Variants in CEP57L1 observed in about 807,000 individuals in gnomAD.
CEP57L1 encodes centrosomal protein 57 like 1.
CEP57L1 carries 37 observed loss-of-function variants against 61.0 expected under a neutral mutation model. The observed-to-expected ratio is 0.61, with a 90% CI of 0.47 to 0.80. CEP57L1 has a LOEUF of 0.80. CEP57L1 is among the 30% of genes least tolerant of loss of function. CEP57L1 has a pLI of 0.00. For synonymous variants in CEP57L1, 137 were observed against 162.3 expected (o/e 0.84, Z 1.19); for missense variants, 422 against 524.7 (o/e 0.80, Z 1.91).
chr6:109,141,587 G>A (rs1294377932), intron 1 of CEP57L1, among the ~76,000 whole-genome samples: 1 of 151,856 alleles, frequency 6.6e-6, no homozygotes, highest in Non-Finnish European at 1.5e-5. Flanking sequence ...CTATTGACCA[G>A]TTTTTATTGT....
At chr6:109,111,112 C>T (rs560322796) in intron 1 of CEP57L1, among the ~76,000 whole-genome samples, 56 of 152,056 alleles carry the variant, frequency 3.7e-4, no homozygotes, top group African/African-American at 7.0e-4. Flanking sequence ...TAAATTACTT[C>T]GGGCAGTATG....
chr6:109,147,024 A>C lies in CEP57L1; in HGVS notation c.340+87A>C, dbSNP rs532709912. ...AAACCTAGTCTAAGCCGATGTACTCAGATATCTTTATTCTTATATATATTC... is the reference window on the plus strand; with the variant it reads ...AAACCTAGTCTAAGCCGATGTACTCCGATATCTTTATTCTTATATATATTC... On this transcript the variant is annotated intron_variant, in intron 3 of 10. Coordinates refer to ENST00000517392, the MANE Select transcript of CEP57L1 (RefSeq NM_001271852.3). The C allele has an allele frequency of 4.9e-6, 5 of 1,020,872 alleles. No homozygotes were observed. In the South Asian group the frequency reaches 8.3e-5, roughly 17 times the overall value. 63.2% of individuals were successfully genotyped at this position (1,020,872 alleles called of 1,614,324 possible).
Position 109,095,515 on chromosome 6 carries a change from C to T in CEP57L1, c.-64C>T, listed in dbSNP as rs1306636037. 1 of 985,768 alleles carries T rather than the reference C, an allele frequency of 1.0e-6. No individual in the cohort carries two copies. Among genetic ancestry groups the T allele is most frequent in the Non-Finnish European group, 1.2e-6 (1 of 829,962 alleles). 61.1% of individuals were successfully genotyped at this position (985,768 alleles called of 1,614,324 possible). ...CCCCCAGGGGCCACCGCGACGTTGC[C>T]TGTGGGTGCCCGCGAACCAACGGTT... On this transcript the variant is annotated 5_prime_UTR_variant, in exon 1 of 11. Coordinates refer to ENST00000517392, the MANE Select transcript of CEP57L1 (RefSeq NM_001271852.3).
chr6:109,115,858 G>GT (rs999786956), intron 1 of CEP57L1, among the ~76,000 whole-genome samples: 2 of 152,120 alleles, frequency 1.3e-5, no homozygotes, highest in Non-Finnish European at 2.9e-5. Context: ...AATTTAGCGT[G>GT]TAAAAGCTTG....
At chr6:109,095,662 C>T (rs759158468) in intron 1 of CEP57L1, 87 bp downstream of exon 1, 1 of 846,892 alleles carries the variant, frequency 1.2e-6, no homozygotes, top group Non-Finnish European at 1.4e-6. Flanking sequence ...ACAAAGCCAT[C>T]TAGGGTGGCC....
At chr6:109,131,286 G>A (rs1285980382) in intron 1 of CEP57L1, among the ~76,000 whole-genome samples, 1 of 152,008 alleles carries the variant, frequency 6.6e-6, no homozygotes, top group African/African-American at 2.4e-5. Context: ...TGAATATATA[G>A]TGCCTAAGAC....
intron 1 of CEP57L1, among the ~76,000 whole-genome samples, chr6:109,101,156 A>T (rs913812221): frequency 6.6e-6 from 1 of 152,172 alleles, no homozygotes; most frequent in Non-Finnish European, 1.5e-5. Flanking sequence ...CAACATATCA[A>T]TAGATGTTAT....
In CEP57L1 at chr6:109,170,248, A is replaced by T. The variant is rs1697355740; in HGVS notation, c.*7278A>T. On this transcript the variant is annotated 3_prime_UTR_variant, in exon 11 of 11. Transcript: ENST00000517392. ...GTTAACCTAAACAATTAAAGAAAGAAATCTTAGTCTTTAAGAACAGAGGAT... is the reference window on the plus strand; with the variant it reads ...GTTAACCTAAACAATTAAAGAAAGATATCTTAGTCTTTAAGAACAGAGGAT... Among the ~76,000 whole-genome samples, 1 of 152,186 alleles carries T rather than the reference A, an allele frequency of 6.6e-6. No individual in the cohort carries two copies. Among genetic ancestry groups the T allele is most frequent in the Non-Finnish European group, 1.5e-5 (1 of 68,018 alleles).
Position 109,163,084 on chromosome 6 carries a change from A to G in CEP57L1, c.*114A>G, listed in dbSNP as rs1583689019. On this transcript the variant is annotated 3_prime_UTR_variant, in exon 11 of 11. Coordinates refer to ENST00000517392, the MANE Select transcript of CEP57L1 (RefSeq NM_001271852.3). ...ATTTTGAATCATGTTTCTAGTTTCT[A>G]TAAAACATGAAGTTGCAGTATTTAA... 1.1e-5 allele frequency: 8 copies of G among 704,102 alleles called. No homozygotes were observed. In the East Asian group the frequency reaches 2.2e-4, roughly 19 times the overall value. The allele number at this position is 704,102 out of a possible 1,614,324, so 43.6% of individuals were successfully genotyped here.
chr6:109,137,340 C>T (rs887198279), intron 1 of CEP57L1, among the ~76,000 whole-genome samples: 3 of 151,962 alleles, frequency 2.0e-5, no homozygotes, highest in Admixed American at 6.6e-5. Flanking sequence ...CTCACTCTGT[C>T]GCCCAGGCTG....
intron 1 of CEP57L1, among the ~76,000 whole-genome samples, chr6:109,125,735 G>A (rs1773487478): frequency 6.6e-6 from 1 of 151,454 alleles, no homozygotes; most frequent in African/African-American, 2.4e-5. Context: ...TTGATTGATA[G>A]ACGGGTGGAT....
chr6:109,125,475 C>A (rs1773439733), intron 1 of CEP57L1, among the ~76,000 whole-genome samples: 1 of 146,352 alleles, frequency 6.8e-6, no homozygotes, highest in African/African-American at 2.6e-5. Context: ...AATCTGAGTG[C>A]CATTAGTTTT....
intron 3 of CEP57L1, among the ~76,000 whole-genome samples, chr6:109,149,663 T>C (rs534975583): frequency 3.3e-5 from 5 of 152,178 alleles, no homozygotes; most frequent in Admixed American, 3.3e-4. Flanking sequence ...AAGAAAGTCA[T>C]TGGTAGCTTG....
rs1023422652 is a variant in CEP57L1 at position 109,167,139 on chromosome 6, C to T, written c.*4169C>T. On this transcript the variant is annotated 3_prime_UTR_variant, in exon 11 of 11. Transcript: ENST00000517392. ...GGTAATTAAATAGACCTTCTCAATG[C>T]CTCAGCCTTTTTCTTCATATTCCAT... Among the ~76,000 whole-genome samples, 3 of 152,148 alleles carry T rather than the reference C, an allele frequency of 2.0e-5. No homozygotes were observed. Among genetic ancestry groups the T allele is most frequent in the Non-Finnish European group, 2.9e-5 (2 of 68,038 alleles).
chr6:109,127,310 T>C (rs1328797364), intron 1 of CEP57L1, among the ~76,000 whole-genome samples: 1 of 152,212 alleles, frequency 6.6e-6, no homozygotes, highest in Non-Finnish European at 1.5e-5. Flanking sequence ...TTACTTGATA[T>C]ACTGTTGACT....
At chr6:109,161,905 C>A (rs915119304) in intron 10 of CEP57L1, among the ~76,000 whole-genome samples, 1 of 151,954 alleles carries the variant, frequency 6.6e-6, no homozygotes, top group African/African-American at 2.4e-5. Flanking sequence ...ACTAGGTACT[C>A]CCCCAAAGTC....
intron 1 of CEP57L1, among the ~76,000 whole-genome samples, chr6:109,127,091 G>A (rs781248421): frequency 2.6e-5 from 4 of 152,116 alleles, no homozygotes; most frequent in Non-Finnish European, 5.9e-5. Flanking sequence ...GCTTGAACCC[G>A]GGAGATGGAG....
At position 109,165,871 on chromosome 6, in the gene CEP57L1, T is replaced by C. The variant is rs923092324; in HGVS notation, c.*2901T>C. The C allele has an allele frequency of 6.6e-6, 1 of 152,230 alleles. No homozygotes were observed. The highest frequency in any genetic ancestry group is 1.5e-5 in the Non-Finnish European group (1 of 68,030). 9.4% of individuals were successfully genotyped at this position (152,230 alleles called of 1,614,324 possible). On this transcript the variant is annotated 3_prime_UTR_variant, in exon 11 of 11. Coordinates refer to ENST00000517392, the MANE Select transcript of CEP57L1 (RefSeq NM_001271852.3). ...GTAGCAACCTCACAGCTGTGCTCTG[T>C]CTAGCAGAAACTTGGTATGATTTCA... is the stretch of plus-strand genomic sequence containing the variant.
chr6:109,158,495 A>G (rs1583664160), intron 7 of CEP57L1: 1 of 386,118 alleles, frequency 2.6e-6, no homozygotes, highest in Non-Finnish European at 5.0e-6. Context: ...TCTCAAAAAA[A>G]AAAGGATATT....
Sources: allele counts gnomAD v4.1 joint callset (sites outside exome capture counted in the v4.1 genomes callset), GRCh38; gene constraint gnomAD v4.1.1; transcripts MANE v1.5; gene names NCBI Gene and HGNC (gene_info 2026-07-23, HGNC 2026-07-21).